The following ITSN1 variants were observed in gnomAD, a reference collection of about 807,000 sequenced individuals.
ITSN1 encodes the protein intersectin-1.
A neutral mutation model predicts 239.8 loss-of-function variants in ITSN1; 58 were observed. The observed-to-expected ratio is 0.24, with a 90% CI of 0.20 to 0.30. ITSN1 has a LOEUF of 0.30. Ranked by LOEUF, ITSN1 falls within the 10% of genes least tolerant of loss-of-function variation. The pLI is 1.00. For missense variants in ITSN1, 1,558 were observed against 2,103.3 expected (o/e 0.74, Z 5.07); for synonymous variants, 780 against 770.8 (o/e 1.01, Z -0.20).
At chr21:33,692,557 A>T (rs1039581189) in intron 1 of ITSN1, among the ~76,000 whole-genome samples, 1 of 152,156 alleles carries the variant, frequency 6.6e-6, no homozygotes, top group African/African-American at 2.4e-5. Flanking sequence ...GCTTTCTTGA[A>T]ATTTAAAATA....
At position 33,898,537 on chromosome 21, in the gene ITSN1, T is replaced by C. The variant is rs1174949517; in HGVS notation, c.*10237T>C. On this transcript the variant is annotated 3_prime_UTR_variant, in exon 40 of 40. Transcript: ENST00000381318. ...CTAAGGAGGATTCTGTGAAACTCAA[T>C]GTCTAAACCCCTGAGAAAGGCATTC... 1 of 152,200 alleles carries C rather than the reference T, an allele frequency of 6.6e-6. No homozygotes were observed. Among genetic ancestry groups the C allele is most frequent in the Non-Finnish European group, 1.5e-5 (1 of 68,040 alleles). The allele number at this position is 152,200 out of a possible 1,614,324, so 9.4% of individuals were successfully genotyped here.
intron 1 of ITSN1, among the ~76,000 whole-genome samples, chr21:33,697,234 AT>A (rs11419453): frequency 0.034 from 4,157 of 121,640 alleles, 187 homozygotes; most frequent in African/African-American, 0.12. Context: ...CACCTGGCTA[AT>A]TTTTTTTTTT....
At position 33,856,874 on chromosome 21, in the gene ITSN1, G is replaced by T. The variant is rs766817113; in HGVS notation, c.3783+17G>T. ...GTCACAGAGGTAAGGGAGCTGGTGG[G>T]GCAGGGGGCACGGCAGGGGGCGATG... On this transcript the variant is annotated intron_variant, in intron 30 of 39. Coordinates refer to ENST00000381318, the MANE Select transcript of ITSN1 (RefSeq NM_003024.3). The T allele has an allele frequency of 6.2e-7, 1 of 1,613,418 alleles. No individual in the cohort carries two copies. Among genetic ancestry groups the T allele is most frequent in the African/African-American group, 1.3e-5 (1 of 74,874 alleles).
chr21:33,865,555 C>G lies in ITSN1; in HGVS notation c.4074+221C>G, dbSNP rs1026529206. Among the ~76,000 whole-genome samples the G allele has an allele frequency of 4.6e-5, 7 of 152,334 alleles. No homozygotes were observed. The highest frequency in any genetic ancestry group is 4.6e-4 in the Admixed American group (7 of 15,296). ...GAGGGGTGAACCCTGGGCTTGGAAGCTTTGAAAGTGTCTTTAGGGATCTGT... is the reference window on the plus strand; with the variant it reads ...GAGGGGTGAACCCTGGGCTTGGAAGGTTTGAAAGTGTCTTTAGGGATCTGT... On this transcript the variant is annotated intron_variant, in intron 32 of 39. Coordinates refer to ENST00000381318, the MANE Select transcript of ITSN1 (RefSeq NM_003024.3). The surrounding 1 kb of genome is among the most constrained non-coding windows in gnomAD (Gnocchi z 4.4).
chr21:33,896,740 G>C lies in ITSN1; in HGVS notation c.*8440G>C, dbSNP rs1403108492. ...TTCCTGTTGTTGCTTTCTTTCACGA[G>C]CTTTTACTTTTCCTGGGCTGGACGC... On this transcript the variant is annotated 3_prime_UTR_variant, in exon 40 of 40. Transcript: ENST00000381318. 1 of 152,242 alleles carries C rather than the reference G, an allele frequency of 6.6e-6. No homozygotes were observed. The highest frequency in any genetic ancestry group is 1.5e-5 in the Non-Finnish European group (1 of 68,068). The allele number at this position is 152,242 out of a possible 1,614,324, so 9.4% of individuals were successfully genotyped here.
chr21:33,831,657 C>T (rs1010988875), intron 27 of ITSN1, among the ~76,000 whole-genome samples: 5 of 151,990 alleles, frequency 3.3e-5, no homozygotes, highest in South Asian at 2.1e-4. Context: ...CACACAGTCC[C>T]GTCTACCACT....
At chr21:33,883,234 G>A (rs1569342038) in intron 35 of ITSN1, among the ~76,000 whole-genome samples, 1 of 152,158 alleles carries the variant, frequency 6.6e-6, no homozygotes, top group Non-Finnish European at 1.5e-5. Flanking sequence ...CCGCAAAATC[G>A]TGGGCGGGGG....
At chr21:33,672,969 A>G (rs2090385025) in intron 1 of ITSN1, among the ~76,000 whole-genome samples, 1 of 152,156 alleles carries the variant, frequency 6.6e-6, no homozygotes, top group South Asian at 2.1e-4. Context: ...CTCGGCCTCC[A>G]AAGTGGTAGG....
rs1986590196 is a variant in ITSN1 at position 33,894,739 on chromosome 21, C to T, written c.*6439C>T. Reference sequence around the variant, plus strand: ...GCTTTTGCATTTCTCTTTTTTAACTCAAATCTCTTATTTCCTGCCGTTCCT... The same window carrying T: ...GCTTTTGCATTTCTCTTTTTTAACTTAAATCTCTTATTTCCTGCCGTTCCT... On this transcript the variant is annotated 3_prime_UTR_variant, in exon 40 of 40. Coordinates refer to ENST00000381318, the MANE Select transcript of ITSN1 (RefSeq NM_003024.3). 6.6e-6 allele frequency: 1 copy of T among 152,214 alleles called. No homozygotes were observed. The highest frequency in any genetic ancestry group is 1.5e-5 in the Non-Finnish European group (1 of 68,054). 9.4% of individuals were successfully genotyped at this position (152,214 alleles called of 1,614,324 possible). A position where few individuals can be genotyped will look rare whatever the true frequency, so the allele number is the denominator to read the frequency against.
At chr21:33,775,486 G>A (rs549340688) in intron 14 of ITSN1, among the ~76,000 whole-genome samples, 2 of 152,210 alleles carry the variant, frequency 1.3e-5, no homozygotes, top group Non-Finnish European at 2.9e-5. Context: ...GAGAGTCCTA[G>A]GGATAGGAAA....
chr21:33,686,406 T>G (rs911575662), intron 1 of ITSN1, among the ~76,000 whole-genome samples: 2 of 152,186 alleles, frequency 1.3e-5, no homozygotes, highest in African/African-American at 4.8e-5. Context: ...GTTTTGAAAT[T>G]TGTTATCTTA....
chr21:33,695,024 C>T (rs1230974413), intron 1 of ITSN1, among the ~76,000 whole-genome samples: 1 of 152,076 alleles, frequency 6.6e-6, no homozygotes, highest in Non-Finnish European at 1.5e-5. Flanking sequence ...CCATCTTTCC[C>T]AGCTGGTCTC....
At chr21:33,735,286 A>G (rs1323287321) in intron 5 of ITSN1, 82 bp downstream of exon 5, 9 of 1,405,268 alleles carry the variant, frequency 6.4e-6, no homozygotes, top group Admixed American at 1.7e-5. Context: ...CTCTCGGTTT[A>G]TAACATTATG....
At chr21:33,783,409 G>A (rs1463192470) in intron 16 of ITSN1, among the ~76,000 whole-genome samples, 3 of 152,108 alleles carry the variant, frequency 2.0e-5, no homozygotes, top group Non-Finnish European at 4.4e-5. Flanking sequence ...TTTCTCAATT[G>A]TACGATTCCA....
rs1310341192 is a variant in ITSN1, at chr21:33,882,095, T to G, written c.4342-148T>G. The G allele has an allele frequency of 7.7e-6, 5 of 650,876 alleles. No individual in the cohort carries two copies. The East Asian group carries it at 1.4e-4, about 18-fold the overall frequency. 40.3% of individuals were successfully genotyped at this position (650,876 alleles called of 1,614,324 possible). ...ACTGTGCCTTTGTCTGACTTTGATC[T>G]CTTGGCTCCAAAGTCTTCAAAGCTA... On this transcript the variant is annotated intron_variant, in intron 34 of 39. Transcript: ENST00000381318. The surrounding 1 kb of genome is among the most constrained non-coding windows in gnomAD (Gnocchi z 4.5).
chr21:33,756,224 G>A lies in ITSN1; in HGVS notation c.724+827G>A, dbSNP rs185398446. Among the ~76,000 whole-genome samples the A allele has an allele frequency of 2.7e-5, 4 of 148,046 alleles. No homozygotes were observed. In the East Asian group the frequency reaches 8.0e-4, roughly 30 times the overall value. On this transcript the variant is annotated intron_variant, in intron 8 of 39. Coordinates refer to ENST00000381318, the MANE Select transcript of ITSN1 (RefSeq NM_003024.3). Reference sequence around the variant, plus strand: ...GAGAATTGCTGGAACCTGGGAGGCGGTTGCAGTGAGTCAAGATCATGCCAC... The same window carrying A: ...GAGAATTGCTGGAACCTGGGAGGCGATTGCAGTGAGTCAAGATCATGCCAC...
In ITSN1 at chr21:33,882,148, C is replaced by T; in HGVS notation, c.4342-95C>T. On this transcript the variant is annotated intron_variant, in intron 34 of 39. Coordinates refer to ENST00000381318, the MANE Select transcript of ITSN1 (RefSeq NM_003024.3). The surrounding 1 kb of genome is among the most constrained non-coding windows in gnomAD (Gnocchi z 4.5). ...CTTGACTTTTGCCTGAGATCCGAGT[C>T]TGCTGGGGCCTGGCCTCTGATTCTG... 1 of 1,053,268 alleles carries T rather than the reference C, an allele frequency of 9.5e-7. No homozygotes were observed. The highest frequency in any genetic ancestry group is 3.1e-4 in the Middle Eastern group (1 of 3,180). The allele number at this position is 1,053,268 out of a possible 1,614,324, so 65.2% of individuals were successfully genotyped here. A position where few individuals can be genotyped will look rare whatever the true frequency, so the allele number is the denominator to read the frequency against.
chr21:33,776,256 A>G (rs531098149), intron 14 of ITSN1, among the ~76,000 whole-genome samples: 11 of 152,246 alleles, frequency 7.2e-5, no homozygotes, highest in African/African-American at 2.4e-4. Flanking sequence ...ATTTAACCCC[A>G]TAAGAAACTG....
In ITSN1 at chr21:33,876,241, C is replaced by G. The variant is rs1183133139; in HGVS notation, c.4341+720C>G. 1.7e-3 allele frequency among the ~76,000 whole-genome samples: 52 copies of G among 29,880 alleles called. 1 individual carries two copies. The highest frequency in any genetic ancestry group is 0.015 in the African/African-American group (45 of 3,052). 19.6% of individuals were successfully genotyped at this position (29,880 alleles called of 152,430 possible). A position where few individuals can be genotyped will look rare whatever the true frequency, so the allele number is the denominator to read the frequency against. On this transcript the variant is annotated intron_variant, in intron 34 of 39. Transcript: ENST00000381318. ...TTTTTCTCTTTCTTTCCTTCTCTCT[C>G]TCTTTCTTCTCCTTCCTTCCTCTCT...
Sources: gnomAD v4.1 joint callset for allele counts (sites outside exome capture counted in the v4.1 genomes callset) on GRCh38, gnomAD v4.1.1 for gene constraint, Gnocchi (gnomAD v3.1) non-coding constraint, MANE v1.5 for transcripts, NCBI Gene and HGNC (gene_info 2026-07-23, HGNC 2026-07-21) for gene names.